The following EPHA3 variants were observed in gnomAD, a reference collection of about 807,000 sequenced individuals.
EPHA3 encodes EPH receptor A3, also known as ephrin type-A receptor 3.
In EPHA3, 42 loss-of-function variants were observed where a neutral mutation model predicts 107.1. The observed-to-expected ratio is 0.39, with a 90% CI of 0.31 to 0.51. The LOEUF (loss-of-function observed/expected upper bound fraction) is 0.51. Ranked by LOEUF, EPHA3 falls within the 20% of genes least tolerant of loss-of-function variation. The pLI, the probability that EPHA3 is intolerant of heterozygous loss-of-function variation, is 0.78. For missense variants in EPHA3, 1,183 were observed against 1,211.2 expected, an observed-to-expected ratio of 0.98 and a Z score of 0.35; for synonymous variants, 461 against 424.8, an observed-to-expected ratio of 1.09 and a Z score of -1.05.
chr3:89,132,521 G>A (rs910717050), intron 2 of EPHA3, among the ~76,000 whole-genome samples: 3 of 152,126 alleles, frequency 2.0e-5, no homozygotes, highest in African/African-American at 7.2e-5. Flanking sequence ...GGTTAGAATT[G>A]AGGCATCTGC....
intron 3 of EPHA3, among the ~76,000 whole-genome samples, chr3:89,298,616 C>G (rs2107341949): frequency 6.6e-6 from 1 of 152,038 alleles, no homozygotes; most frequent in Non-Finnish European, 1.5e-5. Flanking sequence ...TTTTTCCTGA[C>G]CAGGATTCAA....
In EPHA3 at chr3:89,359,123, A is replaced by G. The variant is rs115167098; in HGVS notation, c.1306+17033A>G. On this transcript the variant is annotated intron_variant, in intron 5 of 16. Coordinates refer to ENST00000336596, the MANE Select transcript of EPHA3 (RefSeq NM_005233.6). ...ATATAAAACTAGAATGCATTAAAAT[A>G]TAATCAACAGTAATTAGTATGAAAG... is the stretch of plus-strand genomic sequence containing the variant. Among the ~76,000 whole-genome samples the G allele has an allele frequency of 4.0e-3, 609 of 151,402 alleles. 10 individuals are homozygous for G. The highest frequency in any genetic ancestry group is 0.013 in the African/African-American group (559 of 41,512).
chr3:89,217,140 G>C (rs537429296), intron 3 of EPHA3, among the ~76,000 whole-genome samples: 2 of 152,096 alleles, frequency 1.3e-5, no homozygotes, highest in Non-Finnish European at 2.9e-5. Context: ...GAGCTAATAA[G>C]GGTTTACATT....
chr3:89,236,415 T>C (rs2107234898), intron 3 of EPHA3, among the ~76,000 whole-genome samples: 1 of 151,916 alleles, frequency 6.6e-6, no homozygotes, highest in Non-Finnish European at 1.5e-5. Context: ...ACATTAAAAC[T>C]GTGTACGAAA....
intron 3 of EPHA3, among the ~76,000 whole-genome samples, chr3:89,333,177 G>A (rs372820173): frequency 1.2e-4 from 19 of 152,260 alleles, no homozygotes; most frequent in East Asian, 9.7e-4. Flanking sequence ...TGTATAGGTA[G>A]TGCTCATAAT....
At position 89,226,153 on chromosome 3, in the gene EPHA3, C is replaced by A. The variant is rs138479005; in HGVS notation, c.814+15633C>A. ...TATAAATGGTATATAAATCAGAGGT[C>A]CTCAGGGTTTAGCTTGGCTCTATCC... On this transcript the variant is annotated intron_variant, in intron 3 of 16. Transcript: ENST00000336596. Among the ~76,000 whole-genome samples the A allele has an allele frequency of 2.3e-3, 345 of 152,196 alleles. 1 individual carries two copies. Among genetic ancestry groups the A allele is most frequent in the Admixed American group, 3.7e-3 (56 of 15,270 alleles).
At chr3:89,282,153 T>C (rs1366805644) in intron 3 of EPHA3, among the ~76,000 whole-genome samples, 2 of 152,142 alleles carry the variant, frequency 1.3e-5, no homozygotes, top group Non-Finnish European at 2.9e-5. Flanking sequence ...ATAGGCACTA[T>C]CTTGGCTTTT....
intron 12 of EPHA3, among the ~76,000 whole-genome samples, chr3:89,429,823 G>A (rs1360878226): frequency 6.6e-6 from 1 of 151,036 alleles, no homozygotes. Flanking sequence ...TGGTGCAATG[G>A]TGCAATCTTG....
At chr3:89,334,100 G>A (rs1376596619) in intron 3 of EPHA3, among the ~76,000 whole-genome samples, 1 of 152,086 alleles carries the variant, frequency 6.6e-6, no homozygotes, top group Non-Finnish European at 1.5e-5. Context: ...TCTTCACAAT[G>A]TAAAATGTGG....
At chr3:89,386,094 G>A (rs1708615492) in intron 5 of EPHA3, among the ~76,000 whole-genome samples, 1 of 152,156 alleles carries the variant, frequency 6.6e-6, no homozygotes, top group Non-Finnish European at 1.5e-5. Context: ...ACATTCAAGA[G>A]GAAGCAGAGC....
chr3:89,407,241 T>C, intron 7 of EPHA3, 28 bp from the exon 8 acceptor site: 1 of 1,521,854 alleles, frequency 6.6e-7, no homozygotes, highest in Non-Finnish European at 9.1e-7. Flanking sequence ...ATAATACCTG[T>C]TCTTATTTTT....
rs991141047 is a variant in EPHA3, at chr3:89,369,906, A to G, written c.1307-25931A>G. On this transcript the variant is annotated intron_variant, in intron 5 of 16. Transcript: ENST00000336596. The stretch of plus-strand genomic sequence containing the variant: ...ATGCAGCCAAAAAACACATGAAAAA[A>G]TGCTCACCATCACTGGCCATCAGAG... Among the ~76,000 whole-genome samples the G allele has an allele frequency of 6.6e-5, 10 of 150,854 alleles. 1 individual carries two copies. Among genetic ancestry groups the G allele is most frequent in the African/African-American group, 2.0e-4 (8 of 40,924 alleles).
intron 10 of EPHA3, among the ~76,000 whole-genome samples, chr3:89,414,889 A>G (rs186281243): frequency 8.0e-4 from 121 of 151,730 alleles, no homozygotes; most frequent in Admixed American, 7.1e-3. Flanking sequence ...AAAGATTAGA[A>G]TAGAGCCTCC....
chr3:89,202,935 G>A (rs775569717), intron 2 of EPHA3, among the ~76,000 whole-genome samples: 10 of 152,262 alleles, frequency 6.6e-5, no homozygotes, highest in South Asian at 6.2e-4. Flanking sequence ...ATCATTCCTT[G>A]TAGGAGGTAG....
At chr3:89,476,742 G>A (rs1710520451) in intron 16 of EPHA3, among the ~76,000 whole-genome samples, 1 of 151,558 alleles carries the variant, frequency 6.6e-6, no homozygotes, top group Admixed American at 6.6e-5. Context: ...GGAGTAGCTG[G>A]GAGTACAGGC....
chr3:89,107,644 G>T lies in EPHA3; in HGVS notation c.-105G>T, dbSNP rs1319565484. The T allele has an allele frequency of 2.6e-5, 27 of 1,057,500 alleles. No individual in the cohort carries two copies. The highest frequency in any genetic ancestry group is 4.1e-4 in the Middle Eastern group (2 of 4,854). The allele number at this position is 1,057,500 out of a possible 1,614,324, so 65.5% of individuals were successfully genotyped here. Reference sequence around the variant, plus strand: ...CCAGTGTCAAACTTGACATCAGCCTGCGAGCGGAGCATGGTAACTTCTCCA... The same window carrying T: ...CCAGTGTCAAACTTGACATCAGCCTTCGAGCGGAGCATGGTAACTTCTCCA... On this transcript the variant is annotated 5_prime_UTR_variant, in exon 1 of 17. Coordinates refer to ENST00000336596, the MANE Select transcript of EPHA3 (RefSeq NM_005233.6).
chr3:89,391,520 C>T (rs372319422), intron 5 of EPHA3, among the ~76,000 whole-genome samples: 5 of 150,432 alleles, frequency 3.3e-5, no homozygotes, highest in South Asian at 4.2e-4. Flanking sequence ...CTCTGCCTCC[C>T]AGGTTCACGC....
intron 16 of EPHA3, among the ~76,000 whole-genome samples, chr3:89,472,883 A>G (rs73846186): frequency 0.034 from 5,125 of 152,194 alleles, 281 homozygotes; most frequent in African/African-American, 0.12. Context: ...CAGATCAACC[A>G]ACAGATTCAC....
At chr3:89,227,489 A>T (rs943884797) in intron 3 of EPHA3, among the ~76,000 whole-genome samples, 3 of 152,016 alleles carry the variant, frequency 2.0e-5, no homozygotes, top group Non-Finnish European at 4.4e-5. Context: ...AAGAACTTGT[A>T]CGTTACGAGA....
Sources: gnomAD v4.1 joint callset for allele counts (sites outside exome capture counted in the v4.1 genomes callset) on GRCh38, gnomAD v4.1.1 for gene constraint, MANE v1.5 for transcripts, NCBI Gene and HGNC (gene_info 2026-07-23, HGNC 2026-07-21) for gene names.